HPCAL1: variants seen among roughly 807,000 people sequenced by gnomAD.
HPCAL1 encodes hippocalcin like 1.
A neutral mutation model predicts 17.1 loss-of-function variants in HPCAL1; 8 were observed. The ratio of observed to expected loss-of-function variants is 0.47; its 90% CI spans 0.27 to 0.84. The LOEUF is 0.84. Among genes scored for constraint, HPCAL1 ranks in the 40% least tolerant of loss-of-function variants. The probability of loss-of-function intolerance (pLI) is 0.13; values close to 1 mark genes in which losing one functional copy is unlikely to be tolerated. For synonymous variants in HPCAL1, 112 were observed against 111.4 expected, an observed-to-expected ratio of 1.01 and a Z score of -0.03; for missense variants, 165 against 271.1, an observed-to-expected ratio of 0.61 and a Z score of 2.75.
chr2:10,345,866 C>A (rs12999839), intron 1 of HPCAL1, among the ~76,000 whole-genome samples: 21,743 of 152,188 alleles, frequency 0.14, 1,737 homozygotes, highest in Middle Eastern at 0.22. Flanking sequence ...CTATTTATGA[C>A]GCCCCTCCCC....
chr2:10,382,593 TAAAAAA>T (rs70948887), intron 1 of HPCAL1, among the ~76,000 whole-genome samples: 1 of 128,012 alleles, frequency 7.8e-6, no homozygotes, highest in African/African-American at 3.0e-5. Flanking sequence ...GTTCATTAAT[TAAAAAA>T]AAAAAAAAAA....
intron 1 of HPCAL1, among the ~76,000 whole-genome samples, chr2:10,315,955 C>T (rs567275100): frequency 2.0e-5 from 3 of 152,212 alleles, no homozygotes; most frequent in Non-Finnish European, 2.9e-5. Context: ...TGCACTGACC[C>T]GAGATCAGGC....
At chr2:10,311,347 G>T (rs562714946) in intron 1 of HPCAL1, among the ~76,000 whole-genome samples, 2 of 152,170 alleles carry the variant, frequency 1.3e-5, no homozygotes, top group Non-Finnish European at 2.9e-5. Flanking sequence ...AAAGGTAGAC[G>T]CAGGGCTCTG....
intron 1 of HPCAL1, among the ~76,000 whole-genome samples, chr2:10,324,816 G>GTTTTTTTTT (rs3036350): frequency 8.4e-4 from 56 of 66,384 alleles, no homozygotes; most frequent in African/African-American, 1.3e-3. Context: ...TGGTTTTTGT[G>GTTTTTTTTT]TTTTTTTTTT....
At chr2:10,349,339 G>A (rs1307155361) in intron 1 of HPCAL1, among the ~76,000 whole-genome samples, 1 of 152,054 alleles carries the variant, frequency 6.6e-6, no homozygotes, top group Non-Finnish European at 1.5e-5. Flanking sequence ...CTTGTAAGAA[G>A]CCTGCTTTTC....
chr2:10,322,580 G>T (rs1458132004), intron 1 of HPCAL1, among the ~76,000 whole-genome samples: 2 of 152,180 alleles, frequency 1.3e-5, no homozygotes, highest in Non-Finnish European at 2.9e-5. Flanking sequence ...TGCTGCGAGG[G>T]GTTTCCCTTT....
At chr2:10,306,856 G>A (rs1374360954) in intron 1 of HPCAL1, among the ~76,000 whole-genome samples, 2 of 152,080 alleles carry the variant, frequency 1.3e-5, no homozygotes, top group Non-Finnish European at 1.5e-5. Context: ...GCTTCACATC[G>A]GAGGCATGAC....
chr2:10,338,663 C>G (rs1200826765), intron 1 of HPCAL1, among the ~76,000 whole-genome samples: 1 of 152,188 alleles, frequency 6.6e-6, no homozygotes, highest in African/African-American at 2.4e-5. Flanking sequence ...ACCCCACATG[C>G]ACCCAGAGTC....
chr2:10,389,850 T>C (rs1430626160), intron 1 of HPCAL1, among the ~76,000 whole-genome samples: 1 of 152,242 alleles, frequency 6.6e-6, no homozygotes, highest in Non-Finnish European at 1.5e-5. Flanking sequence ...TGAGTGTTCC[T>C]GCACATGCTT....
intron 2 of HPCAL1, among the ~76,000 whole-genome samples, chr2:10,403,545 G>T (rs1669777445): frequency 1.3e-5 from 2 of 151,650 alleles, no homozygotes; most frequent in African/African-American, 2.4e-5. Flanking sequence ...GTGCAGTAGT[G>T]TGATCTTGTC....
chr2:10,348,653 T>A (rs1263884709), intron 1 of HPCAL1, among the ~76,000 whole-genome samples: 1 of 150,274 alleles, frequency 6.7e-6, no homozygotes. Flanking sequence ...GTGATGTGCA[T>A]CTACAGTCCC....
At chr2:10,318,921 C>T (rs1558453746) in intron 1 of HPCAL1, among the ~76,000 whole-genome samples, 1 of 152,182 alleles carries the variant, frequency 6.6e-6, no homozygotes, top group Non-Finnish European at 1.5e-5. Flanking sequence ...TTGGGTCTGC[C>T]GGGACCACTG....
At chr2:10,360,401 T>TAG (rs1666446451) in intron 1 of HPCAL1, among the ~76,000 whole-genome samples, 5 of 151,284 alleles carry the variant, frequency 3.3e-5, no homozygotes, top group Admixed American at 2.7e-4. Context: ...ACCTGCTGGG[T>TAG]AGATGTTAAC....
chr2:10,336,535 A>G (rs975101953), intron 1 of HPCAL1, among the ~76,000 whole-genome samples: 1 of 152,202 alleles, frequency 6.6e-6, no homozygotes, highest in Non-Finnish European at 1.5e-5. Flanking sequence ...CAGCTGGGCT[A>G]TGCTCTGGTA....
chr2:10,337,534 A>G (rs1333347288), intron 1 of HPCAL1, among the ~76,000 whole-genome samples: 1 of 151,564 alleles, frequency 6.6e-6, no homozygotes, highest in Non-Finnish European at 1.5e-5. Context: ...AATTATTTCC[A>G]CGTTTTATTT....
At chr2:10,378,731 C>G (rs1436741398) in intron 1 of HPCAL1, among the ~76,000 whole-genome samples, 1 of 152,188 alleles carries the variant, frequency 6.6e-6, no homozygotes. Context: ...CCGTTCAGTC[C>G]ATGACCACAT....
At chr2:10,403,452 TTTTGTGTGTGTGTGTGTGTGTGTGTG>T (rs1309966849) in intron 2 of HPCAL1, among the ~76,000 whole-genome samples, 25 of 144,250 alleles carry the variant, frequency 1.7e-4, no homozygotes, top group East Asian at 6.3e-4. Flanking sequence ...CAAAGAGTTC[TTTTGTGTGTGTGTGTGTGTGTGTGTG>T]TGTGTGTGTG....
intron 1 of HPCAL1, among the ~76,000 whole-genome samples, chr2:10,329,461 G>T (rs1275047172): frequency 6.6e-6 from 1 of 152,192 alleles, no homozygotes; most frequent in East Asian, 1.9e-4. Flanking sequence ...AACACTGCTG[G>T]CTCTGCTGAC....
intron 1 of HPCAL1, among the ~76,000 whole-genome samples, chr2:10,345,873 C>A (rs1362514811): frequency 1.3e-5 from 2 of 152,192 alleles, no homozygotes; most frequent in African/African-American, 4.8e-5. Context: ...TGACGCCCCT[C>A]CCCCACCACA....
Sources: allele counts gnomAD v4.1 joint callset (sites outside exome capture counted in the v4.1 genomes callset), GRCh38; gene constraint gnomAD v4.1.1; transcripts MANE v1.5; gene names NCBI Gene and HGNC (gene_info 2026-07-23, HGNC 2026-07-21).